WDR72: variants seen among roughly 807,000 people sequenced by gnomAD.
WDR72 encodes the protein WD repeat-containing protein 72.
Under a neutral mutation model 124.2 loss-of-function variants are expected in WDR72, and 120 were observed. That is an observed-to-expected ratio of 0.97 (90% confidence interval 0.83 to 1.12). WDR72 has a LOEUF of 1.12. Among genes scored for constraint, WDR72 ranks in the 50% most tolerant of loss-of-function variants. The pLI is 0.00. For missense variants in WDR72, 1,387 were observed against 1,278.8 expected, an observed-to-expected ratio of 1.08 and a Z score of -1.29; for synonymous variants, 452 against 441.7, an observed-to-expected ratio of 1.02 and a Z score of -0.29.
chr15:53,729,675 G>A (rs1005714658), intron 2 of WDR72, among the ~76,000 whole-genome samples: 1 of 152,030 alleles, frequency 6.6e-6, no homozygotes, highest in African/African-American at 2.4e-5. Flanking sequence ...CATTGCCTGT[G>A]TTTGCAAACT....
chr15:53,626,453 G>T (rs1479413293), intron 14 of WDR72, among the ~76,000 whole-genome samples: 2 of 152,214 alleles, frequency 1.3e-5, no homozygotes, highest in Admixed American at 1.3e-4. Flanking sequence ...TCAGCGGCAG[G>T]TCTGCGAGGC....
intron 18 of WDR72, among the ~76,000 whole-genome samples, chr15:53,569,222 C>G (rs1032440407): frequency 3.3e-5 from 5 of 152,012 alleles, no homozygotes; most frequent in Admixed American, 1.3e-4. Flanking sequence ...TTGTCTACAT[C>G]AAGTACTATG....
chr15:53,716,589 G>T lies in WDR72; in HGVS notation c.339+18C>A, dbSNP rs369862201. On this transcript the variant is annotated intron_variant, in intron 4 of 19. Transcript: ENST00000360509. ...TTGCAGAATCTAGAAATGCCCTGAA[G>T]GAAGTGAGTGTACTTACACAGATTG... 257 of 1,531,848 alleles carry T rather than the reference G, an allele frequency of 1.7e-4. No homozygotes were observed. The highest frequency in any genetic ancestry group is 2.2e-4 in the Non-Finnish European group (243 of 1,104,940). The allele number at this position is 1,531,848 out of a possible 1,614,324, so 94.9% of individuals were successfully genotyped here.
At chr15:53,566,762 AACT>A (rs1487240268) in intron 18 of WDR72, among the ~76,000 whole-genome samples, 1 of 151,960 alleles carries the variant, frequency 6.6e-6, no homozygotes, top group Non-Finnish European at 1.5e-5. Flanking sequence ...AATCACTTTG[AACT>A]ACTTTACAAA....
intron 18 of WDR72, among the ~76,000 whole-genome samples, chr15:53,565,325 A>G (rs1352956414): frequency 1.3e-5 from 2 of 151,920 alleles, no homozygotes; most frequent in Non-Finnish European, 2.9e-5. Context: ...TTTTGAACAC[A>G]TGTGCACAGA....
chr15:53,634,903 A>G (rs929972214), intron 14 of WDR72, among the ~76,000 whole-genome samples: 1 of 152,214 alleles, frequency 6.6e-6, no homozygotes. Flanking sequence ...GTAGTGCAAG[A>G]CAGTGCTATT....
chr15:53,526,761 T>C (rs1286067356), intron 18 of WDR72, among the ~76,000 whole-genome samples: 2 of 152,128 alleles, frequency 1.3e-5, no homozygotes, highest in African/African-American at 4.8e-5. Context: ...AGAGATACTT[T>C]TGACATCAAT....
At chr15:53,655,724 G>A (rs2015398630) in intron 14 of WDR72, among the ~76,000 whole-genome samples, 1 of 151,320 alleles carries the variant, frequency 6.6e-6, no homozygotes. Context: ...TTTTTGAGAT[G>A]GAGTCTTGCT....
intron 14 of WDR72, among the ~76,000 whole-genome samples, chr15:53,616,615 G>C (rs2013778214): frequency 6.6e-6 from 1 of 151,858 alleles, no homozygotes; most frequent in Non-Finnish European, 1.5e-5. Flanking sequence ...ACAAATGTAA[G>C]AACGCATGCA....
At chr15:53,553,009 TATC>T (rs1893798695) in intron 18 of WDR72, among the ~76,000 whole-genome samples, 1 of 152,106 alleles carries the variant, frequency 6.6e-6, no homozygotes, top group South Asian at 2.1e-4. Context: ...CAACGGTCAA[TATC>T]ATTTAAATCT....
chr15:53,666,089 G>A (rs1452627981), intron 13 of WDR72, among the ~76,000 whole-genome samples: 3 of 152,118 alleles, frequency 2.0e-5, no homozygotes, highest in East Asian at 3.9e-4. Flanking sequence ...ACATAACTAT[G>A]GAATATTTTA....
chr15:53,744,546 C>G (rs2018595422), intron 1 of WDR72, among the ~76,000 whole-genome samples: 1 of 152,196 alleles, frequency 6.6e-6, no homozygotes, highest in Non-Finnish European at 1.5e-5. Context: ...GCTACCTACT[C>G]TAGCAACATT....
chr15:53,554,976 T>C (rs1893872066), intron 18 of WDR72, among the ~76,000 whole-genome samples: 1 of 152,070 alleles, frequency 6.6e-6, no homozygotes, highest in Admixed American at 6.6e-5. Context: ...TGTACAAAGC[T>C]GAGGAGAGAT....
intron 9 of WDR72, among the ~76,000 whole-genome samples, chr15:53,709,130 T>C (rs1370151872): frequency 6.6e-6 from 1 of 152,238 alleles, no homozygotes; most frequent in Non-Finnish European, 1.5e-5. Context: ...CTCTTCATCC[T>C]ACCACAATGC....
rs1045285464 is a variant in WDR72 at position 53,532,600 on chromosome 15, CTTAGAGAT to C, written c.3149-9286_3149-9279del. Among the ~76,000 whole-genome samples the C allele has an allele frequency of 3.5e-5, 5 of 143,732 alleles. No individual in the cohort carries two copies. The East Asian group carries it at 7.8e-4, about 23-fold the overall frequency. The allele number at this position is 143,732 out of a possible 152,430, so 94.3% of individuals were successfully genotyped here. ...ATGACAGCTAAGAAAATATTGAACTCTTAGAGATAGAGAGTAGAATGATGGTAACTAAA... is the reference window on the plus strand; with the variant it reads ...ATGACAGCTAAGAAAATATTGAACTCAGAGAGTAGAATGATGGTAACTAAA... On this transcript the variant is annotated intron_variant, in intron 18 of 19. Transcript: ENST00000360509.
At chr15:53,624,499 G>A (rs938873048) in intron 14 of WDR72, among the ~76,000 whole-genome samples, 1 of 152,084 alleles carries the variant, frequency 6.6e-6, no homozygotes, top group Non-Finnish European at 1.5e-5. Flanking sequence ...GCAATGATTC[G>A]AGCAATATTT....
intron 13 of WDR72, among the ~76,000 whole-genome samples, chr15:53,675,505 A>G (rs919698704): frequency 1.3e-5 from 2 of 152,204 alleles, no homozygotes; most frequent in Non-Finnish European, 2.9e-5. Flanking sequence ...TATCTATTAT[A>G]TACAAAACTA....
At chr15:53,593,829 C>T (rs571382258) in intron 18 of WDR72, among the ~76,000 whole-genome samples, 5 of 151,732 alleles carry the variant, frequency 3.3e-5, no homozygotes, top group Non-Finnish European at 5.9e-5. Context: ...TATTTCAACA[C>T]TTTTAATGAG....
At chr15:53,610,115 G>A (rs895070700) in intron 16 of WDR72, among the ~76,000 whole-genome samples, 2 of 151,996 alleles carry the variant, frequency 1.3e-5, no homozygotes, top group South Asian at 2.1e-4. Flanking sequence ...TCAATAGGTA[G>A]AGCACTACTG....
Sources: allele counts gnomAD v4.1 joint callset (sites outside exome capture counted in the v4.1 genomes callset), GRCh38; gene constraint gnomAD v4.1.1; transcripts MANE v1.5; gene names NCBI Gene and HGNC (gene_info 2026-07-23, HGNC 2026-07-21).